The following XKR4 variants were observed in gnomAD, a reference collection of about 807,000 sequenced individuals.
XKR4 encodes the protein XK related 4.
Under a neutral mutation model 53.9 loss-of-function variants are expected in XKR4, and 12 were observed. The ratio of observed to expected loss-of-function variants is 0.22; its 90% CI spans 0.14 to 0.36. The LOEUF is 0.36. Ranked by LOEUF, XKR4 falls within the 10% of genes least tolerant of loss-of-function variation. The pLI, the probability that XKR4 is intolerant of heterozygous loss-of-function variation, is 1.00. For missense variants in XKR4, 799 were observed against 859.5 expected, an observed-to-expected ratio of 0.93 and a Z score of 0.88; for synonymous variants, 354 against 362.4, an observed-to-expected ratio of 0.98 and a Z score of 0.26.
Position 55,357,863 on chromosome 8 carries a change from T to C in XKR4, c.992T>C (p.Leu331Ser), listed in dbSNP as rs1254753449. Residue 331 changes from leucine (L) to serine (S), a missense_variant, in exon 2 of 3, where the codon TTA (leucine) becomes TCA (serine). Coordinates refer to ENST00000327381, the MANE Select transcript of XKR4 (RefSeq NM_052898.2). ...QLCIIVQTHS[L>S]QALQGFTAAA... ...TGCATTATCGTACAGACTCATAGCT[T>C]ACAGGCCCTCCAAGGTAAGGGCTTG... 1.9e-6 allele frequency: 3 copies of C among 1,612,344 alleles called. No individual in the cohort carries two copies. The highest frequency in any genetic ancestry group is 3.3e-5 in the Admixed American group (2 of 59,962).
At chr8:55,217,197 G>A (rs1031426852) in intron 1 of XKR4, among the ~76,000 whole-genome samples, 83 of 135,578 alleles carry the variant, frequency 6.1e-4, no homozygotes, top group African/African-American at 2.0e-3. Context: ...AGCCAAGATC[G>A]CGCCACTGCA....
At chr8:55,186,949 T>C (rs1197579517) in intron 1 of XKR4, among the ~76,000 whole-genome samples, 1 of 152,068 alleles carries the variant, frequency 6.6e-6, no homozygotes, top group East Asian at 1.9e-4. Flanking sequence ...GAAGTAATTA[T>C]GATGGAAGAT....
At chr8:55,164,789 T>TACACAC (rs3048687) in intron 1 of XKR4, 2 of 165,800 alleles carry the variant, frequency 1.2e-5, no homozygotes, top group African/African-American at 2.4e-5. Flanking sequence ...CACACACACA[T>TACACAC]ACACACACAC....
At chr8:55,476,924 C>T (rs990494086) in intron 2 of XKR4, among the ~76,000 whole-genome samples, 1 of 152,134 alleles carries the variant, frequency 6.6e-6, no homozygotes, top group African/African-American at 2.4e-5. Flanking sequence ...CCCACCACAG[C>T]TCAAGGAGGC....
chr8:55,427,142 G>T (rs775346531), intron 2 of XKR4, among the ~76,000 whole-genome samples: 1 of 152,094 alleles, frequency 6.6e-6, no homozygotes, highest in African/African-American at 2.4e-5. Flanking sequence ...CAGCATTATT[G>T]AATTTGATGT....
intron 1 of XKR4, among the ~76,000 whole-genome samples, chr8:55,203,059 A>G (rs1295013710): frequency 6.6e-6 from 1 of 152,226 alleles, no homozygotes; most frequent in African/African-American, 2.4e-5. Flanking sequence ...AAACAATTTC[A>G]GGCTTGGTAA....
chr8:55,407,459 C>T (rs550896932), intron 2 of XKR4, among the ~76,000 whole-genome samples: 10 of 152,348 alleles, frequency 6.6e-5, no homozygotes, highest in African/African-American at 1.9e-4. Flanking sequence ...TACAGGGTCC[C>T]GCTGTCCACG....
chr8:55,194,990 A>G (rs1351903237), intron 1 of XKR4, among the ~76,000 whole-genome samples: 2 of 152,236 alleles, frequency 1.3e-5, no homozygotes, highest in African/African-American at 4.8e-5. Flanking sequence ...TAATTTGGAA[A>G]GAGTACAGTG....
rs978453551 is a variant in XKR4 at position 55,538,055 on chromosome 8, A to C, written c.*13828A>C. ...AAAACCAAAAATCCATGTTGAATAT[A>C]GTGACTGTCTTAAATATACTTAAAT... On this transcript the variant is annotated 3_prime_UTR_variant, in exon 3 of 3. Transcript: ENST00000327381. 1 of 152,198 alleles carries C rather than the reference A, an allele frequency of 6.6e-6. No individual in the cohort carries two copies. The highest frequency in any genetic ancestry group is 2.1e-4 in the South Asian group (1 of 4,834). The allele number at this position is 152,198 out of a possible 1,614,324, so 9.4% of individuals were successfully genotyped here.
intron 1 of XKR4, among the ~76,000 whole-genome samples, chr8:55,326,140 G>T (rs1231955450): frequency 2.0e-5 from 3 of 152,160 alleles, no homozygotes; most frequent in African/African-American, 7.2e-5. Flanking sequence ...TATTTTGGAA[G>T]ATAAATACAG....
rs1806830513 is a variant in XKR4, at chr8:55,523,436, A to C, written c.1162A>C (p.Ile388Leu). The C allele has an allele frequency of 4.3e-6, 7 of 1,614,106 alleles. No homozygotes were observed. The highest frequency in any genetic ancestry group is 5.9e-6 in the Non-Finnish European group (7 of 1,180,054). ...WHFFTIAARV[I>L]TFALFASVFQ... ...CTTCTTCACCATCGCCGCCAGGGTC[A>C]TCACGTTTGCCCTCTTTGCCTCGGT... Residue 388 changes from isoleucine (I) to leucine (L), a missense_variant, in exon 3 of 3, where the codon ATC becomes CTC. Physicochemically the swap from Ile to Leu is conservative, Grantham distance 5. This residue lies in a region of XKR4 where 54 missense variants were observed against 89.7 expected (regional missense o/e 0.60). Transcript: ENST00000327381.
At chr8:55,495,843 G>A (rs543692160) in intron 2 of XKR4, among the ~76,000 whole-genome samples, 1 of 152,348 alleles carries the variant, frequency 6.6e-6, no homozygotes, top group South Asian at 2.1e-4. Flanking sequence ...CCTCTTCGCT[G>A]CAGCTGGTGG....
intron 1 of XKR4, among the ~76,000 whole-genome samples, chr8:55,302,697 G>T (rs1819221801): frequency 6.6e-6 from 1 of 152,088 alleles, no homozygotes; most frequent in South Asian, 2.1e-4. Flanking sequence ...AGTTGTCCTT[G>T]AAGAGGTCCT....
chr8:55,249,640 A>G (rs1818338400), intron 1 of XKR4, among the ~76,000 whole-genome samples: 1 of 152,220 alleles, frequency 6.6e-6, no homozygotes, highest in Non-Finnish European at 1.5e-5. Flanking sequence ...TGGCAGCTCC[A>G]TCAAATGCAG....
intron 2 of XKR4, among the ~76,000 whole-genome samples, chr8:55,464,597 A>G (rs909070074): frequency 2.0e-5 from 3 of 152,164 alleles, no homozygotes; most frequent in Non-Finnish European, 4.4e-5. Flanking sequence ...GCCCTCTCTC[A>G]CTACTCCTAT....
chr8:55,316,815 T>C (rs1297198419), intron 1 of XKR4, among the ~76,000 whole-genome samples: 5 of 152,176 alleles, frequency 3.3e-5, no homozygotes, highest in Non-Finnish European at 5.9e-5. Context: ...TGGACTGAAT[T>C]AAAATGATGG....
intron 2 of XKR4, chr8:55,452,018 A>G: frequency 1.3e-6 from 1 of 767,656 alleles, no homozygotes; most frequent in Non-Finnish European, 2.4e-6. Context: ...TGACGTTCTT[A>G]ACCAGGTTCC....
intron 1 of XKR4, among the ~76,000 whole-genome samples, chr8:55,251,983 G>A (rs1818368529): frequency 6.6e-6 from 1 of 152,142 alleles, no homozygotes; most frequent in Non-Finnish European, 1.5e-5. Flanking sequence ...TATACTGACT[G>A]GCCAATCCCA....
chr8:55,156,333 C>G (rs905056795), intron 1 of XKR4, among the ~76,000 whole-genome samples: 4 of 150,880 alleles, frequency 2.7e-5, no homozygotes, highest in African/African-American at 9.8e-5. Flanking sequence ...TCCAAATGAC[C>G]GCGTAAAGAC....
Sources: allele counts gnomAD v4.1 joint callset (sites outside exome capture counted in the v4.1 genomes callset), GRCh38; gene constraint gnomAD v4.1.1; regional missense constraint gnomAD v4.1.1; transcripts MANE v1.5; gene names NCBI Gene and HGNC (gene_info 2026-07-23, HGNC 2026-07-21).